ABCA13: variants seen among roughly 807,000 people sequenced by gnomAD.
ABCA13 encodes the protein ATP-binding cassette sub-family A member 13.
In ABCA13, 476 loss-of-function variants were observed where a neutral mutation model predicts 478.7. That is an observed-to-expected ratio of 0.99 (90% CI 0.92 to 1.07). ABCA13 has a LOEUF of 1.07. Ranked by LOEUF, ABCA13 falls within the 50% of genes least tolerant of loss-of-function variation. The probability of loss-of-function intolerance (pLI) is 0.00; values close to 1 mark genes in which losing one functional copy is unlikely to be tolerated. For missense variants in ABCA13, 6,060 were observed against 5,910.6 expected, an observed-to-expected ratio of 1.03 and a Z score of -0.83; for synonymous variants, 2,252 against 2,158.9, an observed-to-expected ratio of 1.04 and a Z score of -1.20.
chr7:48,431,905 AT>A (rs1822201881), intron 42 of ABCA13, among the ~76,000 whole-genome samples: 1 of 152,120 alleles, frequency 6.6e-6, no homozygotes, highest in African/African-American at 2.4e-5. Context: ...CCTCTTCTGT[AT>A]TTTTTGGCTT....
intron 35 of ABCA13, 38 bp from the exon 36 acceptor site, chr7:48,387,784 T>TA (rs2129051324): frequency 1.4e-6 from 2 of 1,469,052 alleles, no homozygotes; most frequent in East Asian, 2.5e-5. Context: ...TTCATCTAAA[T>TA]AAAAAATTAA....
At chr7:48,352,118 A>G (rs1463181648) in intron 30 of ABCA13, 63 bp from the exon 31 acceptor site, 18 of 1,493,902 alleles carry the variant, frequency 1.2e-5, no homozygotes, top group Non-Finnish European at 1.5e-5. Context: ...CACCCAGTGT[A>G]GGCGTGGTTT....
intron 57 of ABCA13, among the ~76,000 whole-genome samples, chr7:48,587,568 T>C (rs1432495155): frequency 6.6e-6 from 1 of 152,244 alleles, no homozygotes; most frequent in Non-Finnish European, 1.5e-5. Context: ...TTAGAATTCA[T>C]CTGTAATCTG....
At chr7:48,308,269 C>T (rs941517593) in intron 23 of ABCA13, among the ~76,000 whole-genome samples, 2 of 152,162 alleles carry the variant, frequency 1.3e-5, no homozygotes, top group Admixed American at 6.6e-5. Context: ...CAATAACATG[C>T]GTAGAGCTGT....
Position 48,225,159 on chromosome 7 carries a change from T to G in ABCA13, c.469-2103T>G, listed in dbSNP as rs902373517. Among the ~76,000 whole-genome samples, 217 of 146,036 alleles carry G rather than the reference T, an allele frequency of 1.5e-3. 3 individuals are homozygous for G. The highest frequency in any genetic ancestry group is 5.1e-3 in the African/African-American group (201 of 39,732). On this transcript the variant is annotated intron_variant, in intron 5 of 61. Coordinates refer to ENST00000435803, the MANE Select transcript of ABCA13 (RefSeq NM_152701.5). ...TGCCTTCCTTCCTTCCTTCCTTCCT[T>G]CCTTCCTTCCTTCCTTCCTTCCTTC...
rs199891674 is a variant in ABCA13 at position 48,313,204 on chromosome 7, C to G, written c.9654C>G (p.Ala3218=). 1,260 of 1,611,990 alleles carry G rather than the reference C, an allele frequency of 7.8e-4. 2 individuals carry two copies. The highest frequency in any genetic ancestry group is 1.0e-3 in the Non-Finnish European group (1,201 of 1,178,908). ...PEFLHTFKIT[A]LLETLDFQQV... is the part of the protein sequence containing the mutation. ...TTCTTCACACATTTAAAATCACTGCCTTGCTAGAAACCCTGGACTTTCAAC... is the reference window on the plus strand; with the variant it reads ...TTCTTCACACATTTAAAATCACTGCGTTGCTAGAAACCCTGGACTTTCAAC... The change falls in exon 25 of 62, where the codon GCC becomes GCG. Residue 3218 remains alanine, a synonymous_variant. Transcript: ENST00000435803.
At chr7:48,500,714 C>A (rs1830666012) in intron 48 of ABCA13, among the ~76,000 whole-genome samples, 1 of 152,200 alleles carries the variant, frequency 6.6e-6, no homozygotes, top group Non-Finnish European at 1.5e-5. Context: ...CTCTCTGCCA[C>A]CCCTCCAGTC....
intron 47 of ABCA13, among the ~76,000 whole-genome samples, chr7:48,485,103 G>A (rs908259400): frequency 1.3e-5 from 2 of 152,076 alleles, no homozygotes; most frequent in Admixed American, 1.3e-4. Flanking sequence ...TGTTTAGCTT[G>A]TTTAATCAAA....
intron 31 of ABCA13, among the ~76,000 whole-genome samples, chr7:48,363,657 C>T (rs1485268725): frequency 6.6e-6 from 1 of 152,102 alleles, no homozygotes; most frequent in South Asian, 2.1e-4. Flanking sequence ...TTTCTTGCAC[C>T]TATTTTCTAC....
intron 55 of ABCA13, among the ~76,000 whole-genome samples, chr7:48,558,172 TCCCTTCCTC>T (rs1563435105): frequency 0.017 from 854 of 50,116 alleles, 9 homozygotes; most frequent in African/African-American, 0.065. Flanking sequence ...CCTCCCTCCC[TCCCTTCCTC>T]CCTTCCTTCC....
At chr7:48,641,767 G>A (rs558242487) in intron 59 of ABCA13, among the ~76,000 whole-genome samples, 1 of 152,118 alleles carries the variant, frequency 6.6e-6, no homozygotes, top group Non-Finnish European at 1.5e-5. Context: ...CAGTGACATG[G>A]TGCTTCACCT....
intron 38 of ABCA13, among the ~76,000 whole-genome samples, chr7:48,399,198 A>G (rs1055909906): frequency 6.6e-6 from 1 of 152,264 alleles, no homozygotes; most frequent in Admixed American, 6.5e-5. Context: ...AGTGAGGTCA[A>G]GAGAAAAAAT....
chr7:48,432,582 A>G (rs1822291816), intron 42 of ABCA13, among the ~76,000 whole-genome samples: 1 of 152,218 alleles, frequency 6.6e-6, no homozygotes, highest in South Asian at 2.1e-4. Context: ...GTGTTCATCA[A>G]CAGATGAATG....
intron 27 of ABCA13, among the ~76,000 whole-genome samples, chr7:48,324,027 T>C (rs1190692318): frequency 1.3e-5 from 2 of 152,226 alleles, no homozygotes; most frequent in Non-Finnish European, 2.9e-5. Context: ...ATTAAACCTC[T>C]TTCCTTTATA....
rs1195352261 is a variant in ABCA13, at chr7:48,314,250, G to A, written c.9700G>A (p.Ala3234Thr). The change falls in exon 26 of 62, where the codon GCC becomes ACC. Residue 3234 changes from alanine (A) to threonine (T), a missense_variant. Physicochemically the swap from Ala to Thr is moderately conservative, Grantham distance 58 (BLOSUM62 0). Transcript: ENST00000435803. Reference sequence around the variant, plus strand: ...TTCTCAGGTTTCACAAAATGTCCAGGCCAGAAGTTCAGCTTTTGGTTCTTT... The same window carrying A: ...TTCTCAGGTTTCACAAAATGTCCAGACCAGAAGTTCAGCTTTTGGTTCTTT... ...DFQQVSQNVQARSSAFGSFQF... is the reference protein window; with the variant it reads ...DFQQVSQNVQTRSSAFGSFQF... 17 of 1,613,018 alleles carry A rather than the reference G, an allele frequency of 1.1e-5. No homozygotes were observed. The highest frequency in any genetic ancestry group is 1.4e-5 in the Non-Finnish European group (16 of 1,179,742).
Position 48,275,216 on chromosome 7 carries a change from CT to C in ABCA13, c.5554del (p.Tyr1852MetfsTer31), listed in dbSNP as rs868498093. On this transcript the variant is annotated frameshift_variant, in exon 17 of 62. Transcript: ENST00000435803. LOFTEE classifies it high-confidence loss of function. Reference protein sequence around the residue: ...CNVHGLMSSSFYGKVASILDH... With the variant: ...CNVHGLMSSSXYGKVASILDH... ...ATGTCCATGGGCTCATGTCTTCTTC[CT>C]TTTATGGCAAAGTGGCCAGTATACT... 1.2e-6 allele frequency: 2 copies of C among 1,613,884 alleles called. No individual in the cohort carries two copies. Among genetic ancestry groups the C allele is most frequent in the South Asian group, 1.1e-5 (1 of 91,076 alleles).
chr7:48,358,187 A>G (rs1455153956), intron 31 of ABCA13, among the ~76,000 whole-genome samples: 2 of 136,726 alleles, frequency 1.5e-5, no homozygotes, highest in African/African-American at 5.4e-5. Context: ...AGGACAGGAC[A>G]GGACAGGACA....
At chr7:48,599,963 G>T (rs947504040) in intron 58 of ABCA13, among the ~76,000 whole-genome samples, 1 of 152,136 alleles carries the variant, frequency 6.6e-6, no homozygotes, top group Non-Finnish European at 1.5e-5. Flanking sequence ...TAAGTATTCT[G>T]TATTCTTGGG....
At chr7:48,540,114 T>C (rs1833856674) in intron 55 of ABCA13, among the ~76,000 whole-genome samples, 1 of 152,120 alleles carries the variant, frequency 6.6e-6, no homozygotes, top group Non-Finnish European at 1.5e-5. Context: ...CTCTCTCAAG[T>C]GTTTCCTTGA....
Sources: allele counts gnomAD v4.1 joint callset (sites outside exome capture counted in the v4.1 genomes callset), GRCh38; gene constraint gnomAD v4.1.1; transcripts MANE v1.5; gene names NCBI Gene and HGNC (gene_info 2026-07-23, HGNC 2026-07-21).